The following CACNB2 variants were observed in gnomAD, a reference collection of about 807,000 sequenced individuals.
CACNB2 encodes the protein calcium voltage-gated channel auxiliary subunit beta 2.
CACNB2 carries 42 observed loss-of-function variants against 73.3 expected under a neutral mutation model. The ratio of observed to expected loss-of-function variants is 0.57; its 90% CI spans 0.45 to 0.74. The LOEUF is 0.74. Among genes scored for constraint, CACNB2 ranks in the 30% least tolerant of loss-of-function variants. CACNB2 has a pLI of 0.00. For missense variants in CACNB2, 940 were observed against 853.0 expected, an observed-to-expected ratio of 1.10 and a Z score of -1.27; for synonymous variants, 348 against 310.3, an observed-to-expected ratio of 1.12 and a Z score of -1.28.
intron 2 of CACNB2, among the ~76,000 whole-genome samples, chr10:18,200,023 A>G (rs1339750651): frequency 6.6e-6 from 1 of 151,558 alleles, no homozygotes; most frequent in Non-Finnish European, 1.5e-5. Context: ...AAAAGAATCA[A>G]GTAAGATAAT....
intron 2 of CACNB2, among the ~76,000 whole-genome samples, chr10:18,220,426 A>AT (rs1322556429): frequency 3.4e-5 from 5 of 148,332 alleles, no homozygotes; most frequent in African/African-American, 1.0e-4. Flanking sequence ...TGCCCAGCTA[A>AT]TTTTTTTTAA....
intron 9 of CACNB2, chr10:18,519,763 C>T (rs74843259): frequency 2.2e-6 from 1 of 455,938 alleles, no homozygotes; most frequent in South Asian, 1.5e-5. Flanking sequence ...CTTCCACTTT[C>T]TTCAGCCTAC....
At chr10:18,492,420 A>G (rs1473011085) in intron 3 of CACNB2, among the ~76,000 whole-genome samples, 1 of 152,216 alleles carries the variant, frequency 6.6e-6, no homozygotes, top group African/African-American at 2.4e-5. Context: ...CAACAGTTCA[A>G]GACCAGTATG....
intron 2 of CACNB2, among the ~76,000 whole-genome samples, chr10:18,273,596 G>C (rs912010397): frequency 2.0e-5 from 3 of 152,164 alleles, no homozygotes; most frequent in Non-Finnish European, 2.9e-5. Flanking sequence ...GTGGCTAATA[G>C]TGATGGAGTT....
intron 2 of CACNB2, among the ~76,000 whole-genome samples, chr10:18,328,674 A>G (rs2040679223): frequency 1.3e-5 from 2 of 152,190 alleles, no homozygotes; most frequent in African/African-American, 4.8e-5. Context: ...GAATAGCAAG[A>G]CATTCATCCT....
intron 8 of CACNB2, 107 bp downstream of exon 8, chr10:18,518,523 A>C (rs2051504667): frequency 1.2e-6 from 1 of 830,658 alleles, no homozygotes; most frequent in Admixed American, 1.7e-5. Flanking sequence ...TAAGGAGCCA[A>C]CTTTAGAGCT....
At chr10:18,382,251 C>T (rs1283012447) in intron 2 of CACNB2, among the ~76,000 whole-genome samples, 1 of 151,998 alleles carries the variant, frequency 6.6e-6, no homozygotes, top group African/African-American at 2.4e-5. Flanking sequence ...TTCAGGAGGG[C>T]TGTCTCGTCT....
chr10:18,259,724 C>T (rs2037448365), intron 2 of CACNB2, among the ~76,000 whole-genome samples: 1 of 87,122 alleles, frequency 1.1e-5, no homozygotes, highest in Non-Finnish European at 2.3e-5. Flanking sequence ...GAGTGAGACT[C>T]TGTCTCAGAA....
intron 2 of CACNB2, among the ~76,000 whole-genome samples, chr10:18,373,665 G>T (rs757026088): frequency 6.6e-6 from 1 of 152,126 alleles, no homozygotes; most frequent in Admixed American, 6.5e-5. Flanking sequence ...TTTCTCATTT[G>T]TTCTCTCAAG....
chr10:18,511,116 T>C (rs1564633441), intron 6 of CACNB2, among the ~76,000 whole-genome samples: 1 of 151,420 alleles, frequency 6.6e-6, no homozygotes, highest in Non-Finnish European at 1.5e-5. Flanking sequence ...TTTCTCTACA[T>C]ACCACATGTT....
At chr10:18,413,580 C>A (rs1352516166) in intron 3 of CACNB2, among the ~76,000 whole-genome samples, 1 of 152,214 alleles carries the variant, frequency 6.6e-6, no homozygotes, top group Non-Finnish European at 1.5e-5. Flanking sequence ...CCTTCCAAAT[C>A]TGAAACCTTC....
rs181436929 is a variant in CACNB2, at chr10:18,315,129, C to G, written c.214-86795C>G. On this transcript the variant is annotated intron_variant, in intron 2 of 13. Transcript: ENST00000324631. Reference sequence around the variant, plus strand: ...GGCCGATGACCTGAGGTCAGGAGTTCGAGACCAGCCTGGCCAACACAGTGA... The same window carrying G: ...GGCCGATGACCTGAGGTCAGGAGTTGGAGACCAGCCTGGCCAACACAGTGA... Among the ~76,000 whole-genome samples, 922 of 152,030 alleles carry G rather than the reference C, an allele frequency of 6.1e-3. 14 individuals carry two copies. The highest frequency in any genetic ancestry group is 0.019 in the African/African-American group (796 of 41,468).
At position 18,541,332 on chromosome 10, in the gene CACNB2, G is replaced by GA. The variant is rs913155744; in HGVS notation, c.*1610dup. On this transcript the variant is annotated 3_prime_UTR_variant, in exon 14 of 14. Transcript: ENST00000324631. ...TTATCCTACATAAGACATGTACACAGAAGGGGAACCTTGAAGACATTATCT... is the reference window on the plus strand; with the variant it reads ...TTATCCTACATAAGACATGTACACAGAAAGGGGAACCTTGAAGACATTATCT... 2 of 152,624 alleles carry GA rather than the reference G, an allele frequency of 1.3e-5. No individual in the cohort carries two copies. Among genetic ancestry groups the GA allele is most frequent in the African/African-American group, 2.4e-5 (1 of 41,452 alleles). The allele number at this position is 152,624 out of a possible 1,614,324, so 9.5% of individuals were successfully genotyped here.
intron 9 of CACNB2, chr10:18,520,150 C>T (rs182835000): frequency 1.1e-5 from 2 of 181,736 alleles, no homozygotes; most frequent in African/African-American, 2.4e-5. Context: ...AAATTCTAGA[C>T]CCATGTATAC....
intron 2 of CACNB2, among the ~76,000 whole-genome samples, chr10:18,186,129 A>C (rs899190143): frequency 6.6e-6 from 1 of 152,200 alleles, no homozygotes; most frequent in Non-Finnish European, 1.5e-5. Flanking sequence ...ACTATAAAGA[A>C]ATACCTGAGG....
rs186779073 is a variant in CACNB2, at chr10:18,407,629, C to G, written c.333+5586C>G. Among the ~76,000 whole-genome samples the G allele has an allele frequency of 1.5e-3, 230 of 152,022 alleles. 3 individuals are homozygous for G. Among genetic ancestry groups the G allele is most frequent in the African/African-American group, 4.9e-3 (202 of 41,458 alleles). On this transcript the variant is annotated intron_variant, in intron 3 of 13. Transcript: ENST00000324631. ...CCCTTTTTTTGGAATAATTTCTTCC[C>G]CTATATTGTCCTCTTTTTACTGGCT...
At chr10:18,287,921 T>A (rs2038874537) in intron 2 of CACNB2, among the ~76,000 whole-genome samples, 1 of 152,134 alleles carries the variant, frequency 6.6e-6, no homozygotes, top group South Asian at 2.1e-4. Context: ...TAGGGGAGGA[T>A]TCTCCCTTGC....
chr10:18,194,253 A>G (rs1041283723), intron 2 of CACNB2, among the ~76,000 whole-genome samples: 17 of 152,078 alleles, frequency 1.1e-4, no homozygotes, highest in African/African-American at 3.4e-4. Context: ...ATGTCTTTGC[A>G]GTTGCAACTG....
chr10:18,231,321 C>G (rs2036216644), intron 2 of CACNB2, among the ~76,000 whole-genome samples: 1 of 152,186 alleles, frequency 6.6e-6, no homozygotes, highest in Non-Finnish European at 1.5e-5. Flanking sequence ...GGATTACAGG[C>G]AGGCGCCACC....
Sources: gnomAD v4.1 joint callset for allele counts (sites outside exome capture counted in the v4.1 genomes callset) on GRCh38, gnomAD v4.1.1 for gene constraint, MANE v1.5 for transcripts, NCBI Gene and HGNC (gene_info 2026-07-23, HGNC 2026-07-21) for gene names.